ELF2: variants seen among roughly 807,000 people sequenced by gnomAD.
ELF2 encodes the protein E74 like ETS transcription factor 2.
In ELF2, 11 loss-of-function variants were observed where a neutral mutation model predicts 54.8. The observed-to-expected ratio is 0.20, with a 90% confidence interval of 0.13 to 0.33. ELF2 has a LOEUF of 0.33. Among genes scored for constraint, ELF2 ranks in the 10% least tolerant of loss-of-function variants. The pLI, the probability that ELF2 is intolerant of heterozygous loss-of-function variation, is 1.00. For synonymous variants in ELF2, 203 were observed against 245.1 expected (o/e 0.83, Z 1.61); for missense variants, 513 against 703.0 (o/e 0.73, Z 3.06).
In ELF2 at chr4:139,071,962, T is replaced by C; in HGVS notation, c.430A>G (p.Thr144Ala). 1.2e-6 allele frequency: 2 copies of C among 1,613,948 alleles called. No homozygotes were observed. Among genetic ancestry groups the C allele is most frequent in the Non-Finnish European group, 8.5e-7 (1 of 1,179,922 alleles). The change falls in exon 6 of 10, where the codon ACT (threonine) becomes GCT (alanine). Residue 144 changes from threonine to alanine, a missense_variant. Around this residue, in one of 3 missense-constraint regions of ELF2, gnomAD observed 203 missense variants for 245.9 expected, o/e 0.83. Coordinates refer to ENST00000686138, the MANE Select transcript of ELF2 (RefSeq NM_001331036.3). The part of the protein sequence containing the change: ...AAMRPDVITE[T>A]VVEVSTEESE... ...TCTTCAGTTGACACCTCCACTACAGTTTCTGTAATGACATCTGGCCTCATA... is the reference window on the plus strand; with the variant it reads ...TCTTCAGTTGACACCTCCACTACAGCTTCTGTAATGACATCTGGCCTCATA...
Position 139,059,535 on chromosome 4 carries a change from A to C in ELF2, c.1230T>G (p.Val410=). 6.2e-7 allele frequency: 1 copy of C among 1,613,860 alleles called. No homozygotes were observed. The highest frequency in any genetic ancestry group is 8.5e-7 in the Non-Finnish European group (1 of 1,179,862). The part of the protein sequence containing the change: ...SLGQKISTVA[V]QSVNAGAPLI... ...ATGGTGCACCTGCATTAACTGACTGAACTGCCACAGTTGAAATTTTCTGAC... is the reference window on the plus strand; with the variant it reads ...ATGGTGCACCTGCATTAACTGACTGCACTGCCACAGTTGAAATTTTCTGAC... Residue 410 remains valine, a synonymous_variant, in exon 10 of 10, where the codon GTT becomes GTG. Coordinates refer to ENST00000686138, the MANE Select transcript of ELF2 (RefSeq NM_001331036.3).
At chr4:139,151,458 C>G (rs140929643) in intron 1 of ELF2, among the ~76,000 whole-genome samples, 1 of 152,272 alleles carries the variant, frequency 6.6e-6, no homozygotes, top group East Asian at 1.9e-4. Flanking sequence ...TTGGGGGATT[C>G]CTACTAATTA....
intron 3 of ELF2, among the ~76,000 whole-genome samples, chr4:139,134,782 G>A (rs902704996): frequency 1.3e-5 from 2 of 151,602 alleles, no homozygotes; most frequent in Non-Finnish European, 2.9e-5. Context: ...CTGTCCTCAA[G>A]TGATCATCCT....
intron 4 of ELF2, among the ~76,000 whole-genome samples, chr4:139,121,307 A>G (rs1443823297): frequency 2.0e-5 from 3 of 150,640 alleles, no homozygotes; most frequent in South Asian, 2.1e-4. Context: ...ACGGGGTTTC[A>G]CCGTGTTAGC....
chr4:139,077,720 T>G (rs1475958587), intron 4 of ELF2, among the ~76,000 whole-genome samples: 1 of 152,192 alleles, frequency 6.6e-6, no homozygotes, highest in African/African-American at 2.4e-5. Context: ...ATTTTGCACA[T>G]TTAAGAATAA....
chr4:139,117,473 C>T (rs1216638879), intron 4 of ELF2, among the ~76,000 whole-genome samples: 4 of 151,978 alleles, frequency 2.6e-5, no homozygotes, highest in East Asian at 1.9e-4. Context: ...GCAGGCAGAT[C>T]GCATGAGGCC....
chr4:139,176,406 C>G (rs868056177), intron 1 of ELF2, among the ~76,000 whole-genome samples: 95 of 148,780 alleles, frequency 6.4e-4, no homozygotes, highest in East Asian at 2.0e-3. Context: ...CGCCCCCCCC[C>G]GCCTGCCCGC....
At chr4:139,162,384 T>C (rs1360744288) in intron 1 of ELF2, among the ~76,000 whole-genome samples, 2 of 151,008 alleles carry the variant, frequency 1.3e-5, no homozygotes, top group African/African-American at 4.9e-5. Flanking sequence ...ATACAAAAAA[T>C]AGCTGGTGTG....
chr4:139,063,593 C>T (rs970804512), intron 7 of ELF2, among the ~76,000 whole-genome samples: 1 of 152,026 alleles, frequency 6.6e-6, no homozygotes, highest in Non-Finnish European at 1.5e-5. Context: ...AAACCTGGTC[C>T]CTGCCTCAAG....
At chr4:139,088,636 G>A (rs1488519119) in intron 4 of ELF2, among the ~76,000 whole-genome samples, 6 of 152,030 alleles carry the variant, frequency 3.9e-5, no homozygotes, top group African/African-American at 1.4e-4. Flanking sequence ...ACCGTTAAAT[G>A]TGACTGTTTG....
rs993112636 is a variant in ELF2, at chr4:139,139,676, G to A, written c.-251-179C>T. ...TTTCTAGGTTTTTGAGAAATCAGAA[G>A]TTTTTATCAAACTTAAAATTTTAAT... On this transcript the variant is annotated intron_variant, in intron 1 of 9. Coordinates refer to ENST00000686138, the MANE Select transcript of ELF2 (RefSeq NM_001331036.3). 1.6e-4 allele frequency among the ~76,000 whole-genome samples: 24 copies of A among 152,060 alleles called. 1 individual carries two copies. Among genetic ancestry groups the A allele is most frequent in the Admixed American group, 1.5e-3 (23 of 15,270 alleles).
At chr4:139,071,826 T>A (rs1289719728) in intron 6 of ELF2, 40 bp downstream of exon 6, 2 of 1,543,116 alleles carry the variant, frequency 1.3e-6, no homozygotes, top group African/African-American at 1.4e-5. Flanking sequence ...AAGAGAAAAA[T>A]TTTCACCTGC....
chr4:139,093,767 A>G (rs1054722921), intron 4 of ELF2, among the ~76,000 whole-genome samples: 1 of 152,326 alleles, frequency 6.6e-6, no homozygotes, highest in Non-Finnish European at 1.5e-5. Context: ...ACTAAAGCCT[A>G]TAACAATTTC....
At chr4:139,097,200 C>T (rs1052318472) in intron 4 of ELF2, among the ~76,000 whole-genome samples, 4 of 152,236 alleles carry the variant, frequency 2.6e-5, no homozygotes, top group South Asian at 2.1e-4. Context: ...TAGCCTCTGT[C>T]GCAGAGGCTG....
At position 139,058,738 on chromosome 4, in the gene ELF2, T is replaced by C; in HGVS notation, c.*245A>G. On this transcript the variant is annotated 3_prime_UTR_variant, in exon 10 of 10. Coordinates refer to ENST00000686138, the MANE Select transcript of ELF2 (RefSeq NM_001331036.3). ...GAGCTGCTTGGTCCCTTTCGATCCT[T>C]TTTCTTATTGATGGGTTCAGTTGTT... 2.2e-6 allele frequency: 1 copy of C among 454,630 alleles called. No homozygotes were observed. Among genetic ancestry groups the C allele is most frequent in the Non-Finnish European group, 3.8e-6 (1 of 263,810 alleles). 28.2% of individuals were successfully genotyped at this position (454,630 alleles called of 1,614,324 possible).
chr4:139,080,265 G>A (rs2148719970), intron 4 of ELF2, among the ~76,000 whole-genome samples: 1 of 152,218 alleles, frequency 6.6e-6, no homozygotes, highest in East Asian at 1.9e-4. Flanking sequence ...ATTGTGAAGG[G>A]TAATTTCTTA....
chr4:139,067,669 C>A lies in ELF2; in HGVS notation c.613+15G>T, dbSNP rs1195076369. The A allele has an allele frequency of 6.2e-7, 1 of 1,611,330 alleles. No homozygotes were observed. Among genetic ancestry groups the A allele is most frequent in the Non-Finnish European group, 8.5e-7 (1 of 1,178,262 alleles). On this transcript the variant is annotated intron_variant, in intron 7 of 9. Transcript: ENST00000686138. ...AAAAATCATCTCACTTCCAAAGCAA[C>A]CCTCCCCAAATTACCTTTTCCTTCT...
intron 4 of ELF2, among the ~76,000 whole-genome samples, chr4:139,095,601 T>A (rs1733180145): frequency 6.6e-6 from 1 of 152,258 alleles, no homozygotes; most frequent in South Asian, 2.1e-4. Context: ...GATGATTACA[T>A]GAGTATTCTC....
intron 3 of ELF2, among the ~76,000 whole-genome samples, chr4:139,131,127 G>A (rs1737448661): frequency 6.6e-6 from 1 of 152,130 alleles, no homozygotes; most frequent in Non-Finnish European, 1.5e-5. Context: ...CTACAAGCTA[G>A]GGTGCAAATA....
Sources: allele counts gnomAD v4.1 joint callset (sites outside exome capture counted in the v4.1 genomes callset), GRCh38; gene constraint gnomAD v4.1.1; regional missense constraint gnomAD v4.1.1; transcripts MANE v1.5; gene names NCBI Gene and HGNC (gene_info 2026-07-23, HGNC 2026-07-21).